PPP1R12B: variants seen among roughly 807,000 people sequenced by gnomAD.
PPP1R12B encodes protein phosphatase 1 regulatory subunit 12B, also known as myosin phosphatase target subunit 2.
A neutral mutation model predicts 126.1 loss-of-function variants in PPP1R12B; 76 were observed. The observed-to-expected ratio is 0.60, with a 90% confidence interval of 0.50 to 0.73. The LOEUF (loss-of-function observed/expected upper bound fraction) is 0.73, where lower values mean the gene tolerates loss of function less well. Among genes scored for constraint, PPP1R12B ranks in the 30% least tolerant of loss-of-function variants. PPP1R12B has a pLI of 0.00. For synonymous variants in PPP1R12B, 356 were observed against 434.7 expected (o/e 0.82, Z 2.25); for missense variants, 1,052 against 1,205.1 (o/e 0.87, Z 1.88).
At chr1:202,532,756 G>C (rs1558340799) in intron 18 of PPP1R12B, among the ~76,000 whole-genome samples, 1 of 150,292 alleles carries the variant, frequency 6.7e-6, no homozygotes, top group Admixed American at 6.6e-5. Context: ...TCTCACTGTA[G>C]TGAGATGAAA....
At chr1:202,567,596 A>AGGTGATAATGTTAGGCTTAGAGATCT in intron 21 of PPP1R12B, 182 bp from the exon 22 acceptor site, 1 of 601,232 alleles carries the variant, frequency 1.7e-6, no homozygotes, top group Non-Finnish European at 2.9e-6. Context: ...AACTTCAGAG[A>AGGTGATAATGTTAGGCTTAGAGATCT]GGTGATAATG....
chr1:202,513,052 C>T (rs565974314), intron 18 of PPP1R12B, among the ~76,000 whole-genome samples: 3 of 152,346 alleles, frequency 2.0e-5, no homozygotes, highest in Non-Finnish European at 4.4e-5. Flanking sequence ...CATGTCACTG[C>T]AACCTCCACC....
intron 13 of PPP1R12B, among the ~76,000 whole-genome samples, chr1:202,468,812 G>A (rs1675439882): frequency 6.6e-6 from 1 of 152,088 alleles, no homozygotes; most frequent in Non-Finnish European, 1.5e-5. Flanking sequence ...AAATTAGCCA[G>A]GCATGGTGGC....
chr1:202,377,847 T>TG (rs1661480797), intron 1 of PPP1R12B, among the ~76,000 whole-genome samples: 1 of 140,620 alleles, frequency 7.1e-6, no homozygotes. Flanking sequence ...TTTTTTTTTT[T>TG]TTTTTTTTTT....
intron 18 of PPP1R12B, chr1:202,540,225 C>T (rs1332058018): frequency 2.5e-6 from 4 of 1,606,200 alleles, no homozygotes; most frequent in Non-Finnish European, 3.4e-6. Context: ...CCCTCCCCGA[C>T]TGCCAAGACG....
intron 13 of PPP1R12B, among the ~76,000 whole-genome samples, chr1:202,475,807 C>T (rs1055604950): frequency 2.0e-5 from 3 of 152,032 alleles, no homozygotes; most frequent in Non-Finnish European, 4.4e-5. Flanking sequence ...CCCCCTGCCC[C>T]GGCCCCCAGT....
intron 10 of PPP1R12B, chr1:202,439,346 C>A: frequency 7.3e-7 from 1 of 1,362,164 alleles, no homozygotes; most frequent in Non-Finnish European, 1.0e-6. Context: ...AACCTTCCAA[C>A]AAGACGATCC....
chr1:202,370,623 G>A (rs1180124790), intron 1 of PPP1R12B, among the ~76,000 whole-genome samples: 4 of 151,694 alleles, frequency 2.6e-5, no homozygotes, highest in South Asian at 2.1e-4. Context: ...TGCAACCTCC[G>A]CCTCCCGGGT....
At position 202,443,050 on chromosome 1, in the gene PPP1R12B, G is replaced by A. The variant is rs534184345; in HGVS notation, c.1667+478G>A. ...CTGAAGCCTGTTAATTTAGGGACTT[G>A]AGTTGTTTTTTTTCTTATGACTTTA... On this transcript the variant is annotated intron_variant, in intron 12 of 23. Transcript: ENST00000608999. The A allele has an allele frequency of 2.0e-4, 193 of 960,714 alleles. No individual in the cohort carries two copies. The African/African-American group carries it at 2.7e-3, about 13-fold the overall frequency. The allele number at this position is 960,714 out of a possible 1,614,324, so 59.5% of individuals were successfully genotyped here.
chr1:202,566,634 C>T (rs546688914), intron 21 of PPP1R12B, among the ~76,000 whole-genome samples: 5 of 152,272 alleles, frequency 3.3e-5, no homozygotes, highest in Non-Finnish European at 4.4e-5. Context: ...GAAAGACTTA[C>T]GAGGATATTA....
intron 14 of PPP1R12B, among the ~76,000 whole-genome samples, chr1:202,491,125 G>T (rs1339408262): frequency 2.0e-5 from 3 of 152,086 alleles, no homozygotes; most frequent in Admixed American, 2.0e-4. Context: ...CAATATTTTT[G>T]TTGTTGTTGT....
rs56752885 is a variant in PPP1R12B, at chr1:202,555,325, G to GAAAAAAAAAAAAAAAAAA, written c.2491-3541_2491-3524dup. Among the ~76,000 whole-genome samples, 5 of 25,340 alleles carry GAAAAAAAAAAAAAAAAAA rather than the reference G, an allele frequency of 2.0e-4. 2 individuals are homozygous for GAAAAAAAAAAAAAAAAAA. Among genetic ancestry groups the GAAAAAAAAAAAAAAAAAA allele is most frequent in the Non-Finnish European group, 3.3e-4 (5 of 15,300 alleles). 16.6% of individuals were successfully genotyped at this position (25,340 alleles called of 152,430 possible). A position where few individuals can be genotyped will look rare whatever the true frequency, so the allele number is the denominator to read the frequency against. ...AAAACCCTAATTTTCCTGTTTTAAT[G>GAAAAAAAAAAAAAAAAAA]AAAAAAAAAAAAAAAAAAAAAAAAA... On this transcript the variant is annotated intron_variant, in intron 18 of 23. Transcript: ENST00000608999.
Position 202,583,324 on chromosome 1 carries a change from A to T in PPP1R12B, c.*2764A>T, listed in dbSNP as rs1689651271. The T allele has an allele frequency of 6.6e-6, 1 of 152,198 alleles. No homozygotes were observed. The highest frequency in any genetic ancestry group is 2.4e-5 in the African/African-American group (1 of 41,446). The allele number at this position is 152,198 out of a possible 1,614,324, so 9.4% of individuals were successfully genotyped here. On this transcript the variant is annotated 3_prime_UTR_variant, in exon 24 of 24. Transcript: ENST00000608999. Reference sequence around the variant, plus strand: ...TGCCTTTCAAAAGTACTGGGGGCAGATTCTCAAAACTCTTAGATTGGTGTT... The same window carrying T: ...TGCCTTTCAAAAGTACTGGGGGCAGTTTCTCAAAACTCTTAGATTGGTGTT...
At position 202,408,528 on chromosome 1, in the gene PPP1R12B, A is replaced by G. The variant is rs555153082; in HGVS notation, c.292-8259A>G. The stretch of plus-strand genomic sequence containing the variant: ...CTCTAGGTTCTGATTCTGATTCGCT[A>G]TTCTATGGCAAGTTTATTAGTTTCC... On this transcript the variant is annotated intron_variant, in intron 1 of 23. Transcript: ENST00000608999. Among the ~76,000 whole-genome samples the G allele has an allele frequency of 3.3e-5, 5 of 152,270 alleles. No homozygotes were observed. In the East Asian group the frequency reaches 5.8e-4, roughly 18 times the overall value.
At chr1:202,468,524 A>T (rs1175877869) in intron 13 of PPP1R12B, among the ~76,000 whole-genome samples, 1 of 152,144 alleles carries the variant, frequency 6.6e-6, no homozygotes, top group African/African-American at 2.4e-5. Context: ...TTTATTCCTG[A>T]TACTCCTCAG....
intron 18 of PPP1R12B, among the ~76,000 whole-genome samples, chr1:202,538,046 T>C (rs1684730519): frequency 1.3e-5 from 2 of 152,244 alleles, no homozygotes. Context: ...TAGAGTGCAA[T>C]GGCACGATCT....
At chr1:202,437,693 T>G in intron 9 of PPP1R12B, 128 bp from the exon 10 acceptor site, 1 of 784,140 alleles carries the variant, frequency 1.3e-6, no homozygotes, top group Non-Finnish European at 2.0e-6. Flanking sequence ...AAGACTGCCA[T>G]GTATTTGTTC....
intron 5 of PPP1R12B, among the ~76,000 whole-genome samples, chr1:202,427,971 AT>A (rs34421611): frequency 0.42 from 60,640 of 144,098 alleles, 14,049 homozygotes; most frequent in East Asian, 0.7. Flanking sequence ...AATTAAACTA[AT>A]TTTTTTTTTT....
rs1164800442 is a variant in PPP1R12B at position 202,430,755 on chromosome 1, A to G, written c.946A>G (p.Asn316Asp). The stretch of plus-strand genomic sequence containing the variant: ...GCTTCGAAGTGAAAAGGAGACACGG[A>G]ATAAACTCATTGAGTCAGATCTGAA... ...NVLRSEKETR[N>D]KLIESDLNSK... Residue 316 changes from asparagine to aspartate, a missense_variant, in exon 7 of 24, where the codon AAT becomes GAT. Physicochemically the swap from Asn to Asp is conservative, Grantham distance 23 (BLOSUM62 1). Coordinates refer to ENST00000608999, the MANE Select transcript of PPP1R12B (RefSeq NM_002481.4). The G allele has an allele frequency of 1.2e-6, 2 of 1,613,528 alleles. No individual in the cohort carries two copies. Among genetic ancestry groups the G allele is most frequent in the Non-Finnish European group, 1.7e-6 (2 of 1,179,604 alleles).
Sources: gnomAD v4.1 joint callset for allele counts (sites outside exome capture counted in the v4.1 genomes callset) on GRCh38, gnomAD v4.1.1 for gene constraint, MANE v1.5 for transcripts, NCBI Gene and HGNC (gene_info 2026-07-23, HGNC 2026-07-21) for gene names.